Variants in UBTD2 observed in about 807,000 individuals in gnomAD.
The protein encoded by UBTD2 is ubiquitin domain-containing protein 2.
UBTD2 carries 9 observed loss-of-function variants against 19.8 expected under a neutral mutation model. That is an observed-to-expected ratio of 0.46 (90% CI 0.27 to 0.79). UBTD2 has a LOEUF of 0.79. Among genes scored for constraint, UBTD2 ranks in the 30% least tolerant of loss-of-function variants. UBTD2 has a pLI of 0.14. For missense variants in UBTD2, 250 were observed against 300.4 expected, an observed-to-expected ratio of 0.83 and a Z score of 1.24; for synonymous variants, 98 against 103.9, an observed-to-expected ratio of 0.94 and a Z score of 0.35.
At position 172,278,541 on chromosome 5, in the gene UBTD2, T is replaced by C. The variant is rs551498404; in HGVS notation, c.70+5055A>G. ...AGGGGAAAAAAAAAAAAAAGCGGTA[T>C]ATACATACAATGGAATATTATTTAG... On this transcript the variant is annotated intron_variant, in intron 1 of 2. Coordinates refer to ENST00000393792, the MANE Select transcript of UBTD2 (RefSeq NM_152277.3). Among the ~76,000 whole-genome samples the C allele has an allele frequency of 6.8e-5, 10 of 147,178 alleles. No homozygotes were observed. The East Asian group carries it at 1.8e-3, about 26-fold the overall frequency.
chr5:172,218,792 A>T (rs1253299135), intron 2 of UBTD2, among the ~76,000 whole-genome samples: 9 of 139,544 alleles, frequency 6.4e-5, no homozygotes, highest in East Asian at 4.0e-4. Flanking sequence ...AAAAAAAATA[A>T]AAAAATAAAA....
intron 1 of UBTD2, among the ~76,000 whole-genome samples, chr5:172,270,044 T>G (rs1755453847): frequency 6.6e-6 from 1 of 151,152 alleles, no homozygotes; most frequent in Admixed American, 6.6e-5. Flanking sequence ...GCCATTGCAC[T>G]CCAGCCTGGG....
chr5:172,213,178 A>C (rs924136655), intron 2 of UBTD2, among the ~76,000 whole-genome samples: 1 of 151,566 alleles, frequency 6.6e-6, no homozygotes, highest in Non-Finnish European at 1.5e-5. Context: ...TTTGGGAGAG[A>C]CAGGGTCTCA....
At chr5:172,245,443 A>C (rs1754859070) in intron 1 of UBTD2, among the ~76,000 whole-genome samples, 1 of 152,156 alleles carries the variant, frequency 6.6e-6, no homozygotes, top group African/African-American at 2.4e-5. Context: ...CAATACAGCC[A>C]TGGCTCTCTG....
At chr5:172,212,577 A>C (rs185052958) in intron 2 of UBTD2, among the ~76,000 whole-genome samples, 121 of 152,374 alleles carry the variant, frequency 7.9e-4, no homozygotes, top group African/African-American at 2.8e-3. Flanking sequence ...TACAGAAATG[A>C]ATCCGCTACC....
chr5:172,221,354 A>G (rs1771645395), intron 2 of UBTD2, among the ~76,000 whole-genome samples: 1 of 151,918 alleles, frequency 6.6e-6, no homozygotes, highest in Non-Finnish European at 1.5e-5. Context: ...AGAAATAAAA[A>G]ATTAGCCAGG....
Position 172,238,736 on chromosome 5 carries a change from T to C in UBTD2, c.71-4378A>G, listed in dbSNP as rs143170674. Among the ~76,000 whole-genome samples the C allele has an allele frequency of 7.2e-5, 11 of 152,336 alleles. No individual in the cohort carries two copies. In the East Asian group the frequency reaches 1.2e-3, roughly 16 times the overall value. On this transcript the variant is annotated intron_variant, in intron 1 of 2. Transcript: ENST00000393792. ...TGGTAAAAAACAATCAATTCTGAAG[T>C]TAAGTATGATTATAATTGTTTTCCT...
intron 2 of UBTD2, among the ~76,000 whole-genome samples, chr5:172,227,366 T>C (rs1771790565): frequency 6.6e-6 from 1 of 152,150 alleles, no homozygotes; most frequent in East Asian, 1.9e-4. Context: ...GAGAGAAAAA[T>C]GATATAACAT....
Position 172,210,033 on chromosome 5 carries a change from T to C in UBTD2, c.*1797A>G, listed in dbSNP as rs571478325. ...ACAAAAACTTTGATGACAGGAGCAA[T>C]ATACTGATTTACCCTAATATCTCCA... On this transcript the variant is annotated 3_prime_UTR_variant, in exon 3 of 3. Transcript: ENST00000393792. The C allele has an allele frequency of 6.6e-5, 10 of 152,264 alleles. No individual in the cohort carries two copies. In the East Asian group the frequency reaches 1.9e-3, roughly 29 times the overall value. 9.4% of individuals were successfully genotyped at this position (152,264 alleles called of 1,614,324 possible).
chr5:172,212,328 G>A, intron 2 of UBTD2, 101 bp from the exon 3 acceptor site: 1 of 1,302,812 alleles, frequency 7.7e-7, no homozygotes, highest in Non-Finnish European at 1.0e-6. Flanking sequence ...GCATGGCACT[G>A]TAGAGAAAAA....
intron 1 of UBTD2, among the ~76,000 whole-genome samples, chr5:172,281,392 G>A (rs1480583112): frequency 6.6e-6 from 1 of 152,140 alleles, no homozygotes; most frequent in Admixed American, 6.6e-5. Context: ...CCAGTTACTT[G>A]GGAGGCTGAG....
chr5:172,249,723 T>C (rs1581223958), intron 1 of UBTD2, among the ~76,000 whole-genome samples: 1 of 152,180 alleles, frequency 6.6e-6, no homozygotes, highest in East Asian at 1.9e-4. Context: ...TCTAAATGCA[T>C]AAAGATTATA....
At chr5:172,279,161 A>C (rs1042852219) in intron 1 of UBTD2, among the ~76,000 whole-genome samples, 2 of 152,248 alleles carry the variant, frequency 1.3e-5, no homozygotes, top group African/African-American at 4.8e-5. Flanking sequence ...TTAAGCTCTG[A>C]CTGCCAGTTA....
intron 1 of UBTD2, among the ~76,000 whole-genome samples, chr5:172,263,520 T>C (rs111976502): frequency 0.32 from 49,052 of 152,058 alleles, 8,002 homozygotes; most frequent in South Asian, 0.42. Flanking sequence ...AGGGGCCGGG[T>C]GCGGTGGCTC....
At chr5:172,229,359 G>A (rs911422394) in intron 2 of UBTD2, among the ~76,000 whole-genome samples, 20 of 152,072 alleles carry the variant, frequency 1.3e-4, no homozygotes, top group South Asian at 2.1e-4. Context: ...AAATTAGCCA[G>A]GCATGGTGGC....
At chr5:172,241,845 C>T (rs1437199049) in intron 1 of UBTD2, among the ~76,000 whole-genome samples, 1 of 152,166 alleles carries the variant, frequency 6.6e-6, no homozygotes, top group Non-Finnish European at 1.5e-5. Context: ...ACGGCGAAAC[C>T]TCATCTCTAC....
chr5:172,220,584 A>G (rs1771631669), intron 2 of UBTD2, among the ~76,000 whole-genome samples: 1 of 152,214 alleles, frequency 6.6e-6, no homozygotes, highest in African/African-American at 2.4e-5. Flanking sequence ...GTGGTGAGCC[A>G]AGATTGGAGT....
chr5:172,275,127 A>G (rs1755580978), intron 1 of UBTD2, among the ~76,000 whole-genome samples: 1 of 152,168 alleles, frequency 6.6e-6, no homozygotes, highest in Admixed American at 6.6e-5. Context: ...GCCTCAGGAA[A>G]CTTACAATCA....
intron 1 of UBTD2, among the ~76,000 whole-genome samples, chr5:172,278,858 T>C (rs1357987373): frequency 6.6e-6 from 1 of 152,156 alleles, no homozygotes; most frequent in Non-Finnish European, 1.5e-5. Context: ...CACTGCAACC[T>C]CTGCCTCCCA....
Sources: allele counts gnomAD v4.1 joint callset (sites outside exome capture counted in the v4.1 genomes callset), GRCh38; gene constraint gnomAD v4.1.1; transcripts MANE v1.5; gene names NCBI Gene and HGNC (gene_info 2026-07-23, HGNC 2026-07-21).